UACA: variants seen among roughly 807,000 people sequenced by gnomAD.
UACA encodes the protein nuclear membrane binding protein.
In UACA, 112 loss-of-function variants were observed where a neutral mutation model predicts 160.5. The ratio of observed to expected loss-of-function variants is 0.70; its 90% CI spans 0.60 to 0.82. The LOEUF (loss-of-function observed/expected upper bound fraction) is 0.82. UACA is among the 40% of genes least tolerant of loss of function. The pLI is 0.00. For synonymous variants in UACA, 557 were observed against 568.4 expected, an observed-to-expected ratio of 0.98 and a Z score of 0.29; for missense variants, 1,574 against 1,614.6, an observed-to-expected ratio of 0.97 and a Z score of 0.43.
Position 70,666,693 on chromosome 15 carries a change from C to A in UACA, c.3960+31G>T. 4 of 1,532,340 alleles carry A rather than the reference C, an allele frequency of 2.6e-6. No individual in the cohort carries two copies. The South Asian group carries it at 5.2e-5, about 20-fold the overall frequency. The allele number at this position is 1,532,340 out of a possible 1,614,324, so 94.9% of individuals were successfully genotyped here. A position where few individuals can be genotyped will look rare whatever the true frequency, so the allele number is the denominator to read the frequency against. ...AAGAGCACTGCTCTGGGGTTTCCAACACATAGCCGTGCAGACTACTTTGTA... is the reference window on the plus strand; with the variant it reads ...AAGAGCACTGCTCTGGGGTTTCCAAAACATAGCCGTGCAGACTACTTTGTA... On this transcript the variant is annotated intron_variant, in intron 16 of 18. Coordinates refer to ENST00000322954, the MANE Select transcript of UACA (RefSeq NM_018003.4).
chr15:70,755,783 G>A (rs1443599679), intron 1 of UACA, among the ~76,000 whole-genome samples: 2 of 151,934 alleles, frequency 1.3e-5, no homozygotes, highest in Non-Finnish European at 2.9e-5. Context: ...ATTTGTCTAT[G>A]CCTCATCTGT....
intron 1 of UACA, among the ~76,000 whole-genome samples, chr15:70,718,297 A>AGAGAGG (rs1185238825): frequency 7.4e-6 from 1 of 135,594 alleles, no homozygotes; most frequent in Non-Finnish European, 1.6e-5. Context: ...AGAGGAAGGG[A>AGAGAGG]GAGAGGGAGA....
intron 9 of UACA, chr15:70,681,766 A>C (rs542228749): frequency 1.3e-5 from 2 of 152,348 alleles, no homozygotes; most frequent in East Asian, 3.9e-4. Context: ...GATGGATTGA[A>C]AAGGAAAACA....
chr15:70,671,006 T>G, intron 15 of UACA, 33 bp downstream of exon 15: 1 of 1,457,910 alleles, frequency 6.9e-7, no homozygotes, highest in Non-Finnish European at 9.2e-7. Flanking sequence ...TCTTTAAATG[T>G]TTTTTAAAAT....
intron 2 of UACA, among the ~76,000 whole-genome samples, chr15:70,695,854 TATTA>T (rs979026106): frequency 7.2e-5 from 11 of 152,014 alleles, no homozygotes; most frequent in Admixed American, 1.3e-4. Flanking sequence ...TCTAATATTT[TATTA>T]ATCAACAAAC....
chr15:70,740,915 T>C (rs1899514185), intron 1 of UACA, among the ~76,000 whole-genome samples: 1 of 151,618 alleles, frequency 6.6e-6, no homozygotes, highest in South Asian at 2.1e-4. Flanking sequence ...GGTGGGCGCC[T>C]GTAGCCCCAG....
intron 1 of UACA, chr15:70,749,434 G>A (rs1899815423): frequency 5.8e-6 from 1 of 173,704 alleles, no homozygotes; most frequent in African/African-American, 2.4e-5. Context: ...GCTGAGGCAG[G>A]AGAATGACGT....
At chr15:70,717,782 G>A (rs1898863650) in intron 1 of UACA, among the ~76,000 whole-genome samples, 1 of 152,176 alleles carries the variant, frequency 6.6e-6, no homozygotes, top group Non-Finnish European at 1.5e-5. Context: ...AAGCACAGAT[G>A]TAACTGTGAA....
rs2030904158 is a variant in UACA, at chr15:70,763,469, A to G, written c.-62T>C. 7.9e-7 allele frequency: 1 copy of G among 1,266,580 alleles called. No homozygotes were observed. Among genetic ancestry groups the G allele is most frequent in the Non-Finnish European group, 1.0e-6 (1 of 997,822 alleles). 78.5% of individuals were successfully genotyped at this position (1,266,580 alleles called of 1,614,324 possible). A position where few individuals can be genotyped will look rare whatever the true frequency, so the allele number is the denominator to read the frequency against. On this transcript the variant is annotated 5_prime_UTR_variant, in exon 1 of 19. Coordinates refer to ENST00000322954, the MANE Select transcript of UACA (RefSeq NM_018003.4). ...GGCTGCGGAGTGCCAGCGCGCAAGG[A>G]GTAGACGGCAGCGGCTGCAGCAGAG...
chr15:70,675,941 T>C (rs1188321037), intron 13 of UACA, among the ~76,000 whole-genome samples: 2 of 152,158 alleles, frequency 1.3e-5, no homozygotes, highest in African/African-American at 4.8e-5. Context: ...TCTTGGACTT[T>C]CCAGCCTCCA....
At chr15:70,677,261 G>T in intron 11 of UACA, 121 bp from the exon 12 acceptor site, 1 of 659,220 alleles carries the variant, frequency 1.5e-6, no homozygotes, top group Non-Finnish European at 2.6e-6. Context: ...CCAAGGATAT[G>T]AGAAGAAAAT....
At chr15:70,736,197 T>C (rs1899359593) in intron 1 of UACA, among the ~76,000 whole-genome samples, 1 of 152,192 alleles carries the variant, frequency 6.6e-6, no homozygotes, top group Non-Finnish European at 1.5e-5. Flanking sequence ...ATAGTAACAC[T>C]TAAAAACAAG....
rs1897417159 is a variant in UACA, at chr15:70,679,536, C to T, written c.891+72G>A. ...TTTCACCCATTCTCTTGCTTCCTCT[C>T]TTCTCTCTCAATCCCACTACAAATA... On this transcript the variant is annotated intron_variant, in intron 10 of 18. Coordinates refer to ENST00000322954, the MANE Select transcript of UACA (RefSeq NM_018003.4). The T allele has an allele frequency of 4.9e-6, 5 of 1,018,422 alleles. No homozygotes were observed. In the South Asian group the frequency reaches 7.5e-5, roughly 15 times the overall value. 63.1% of individuals were successfully genotyped at this position (1,018,422 alleles called of 1,614,324 possible).
intron 1 of UACA, among the ~76,000 whole-genome samples, chr15:70,712,584 G>A (rs1450257551): frequency 6.6e-6 from 1 of 152,104 alleles, no homozygotes; most frequent in Admixed American, 6.6e-5. Context: ...GCTCTTTAAT[G>A]GAGTCCAAAA....
intron 17 of UACA, among the ~76,000 whole-genome samples, chr15:70,661,972 G>A (rs909321400): frequency 1.2e-4 from 19 of 152,196 alleles, no homozygotes; most frequent in African/African-American, 2.4e-4. Flanking sequence ...GCCCTCTCTC[G>A]CCACTCCTAT....
At chr15:70,688,956 C>T (rs934923276) in intron 5 of UACA, among the ~76,000 whole-genome samples, 1 of 152,162 alleles carries the variant, frequency 6.6e-6, no homozygotes, top group Non-Finnish European at 1.5e-5. Context: ...GAGTAGGTTT[C>T]GGAATATGAC....
At chr15:70,757,305 T>C (rs1851429350) in intron 1 of UACA, among the ~76,000 whole-genome samples, 1 of 152,214 alleles carries the variant, frequency 6.6e-6, no homozygotes, top group Admixed American at 6.5e-5. Flanking sequence ...TTGGCAAGAC[T>C]ATTAATAGGT....
At chr15:70,687,440 G>A (rs981733314) in intron 7 of UACA, 100 bp downstream of exon 7, 9 of 1,105,298 alleles carry the variant, frequency 8.1e-6, no homozygotes, top group Non-Finnish European at 1.2e-5. Flanking sequence ...GAACCCACAG[G>A]AAAGAAAGGC....
At chr15:70,755,366 G>T (rs1282611886) in intron 1 of UACA, among the ~76,000 whole-genome samples, 1 of 151,036 alleles carries the variant, frequency 6.6e-6, no homozygotes, top group Non-Finnish European at 1.5e-5. Context: ...TTAATTCAAG[G>T]TTTAAAAAAA....
Sources: gnomAD v4.1 joint callset for allele counts (sites outside exome capture counted in the v4.1 genomes callset) on GRCh38, gnomAD v4.1.1 for gene constraint, MANE v1.5 for transcripts, NCBI Gene and HGNC (gene_info 2026-07-23, HGNC 2026-07-21) for gene names.